CFAP74: variants seen among roughly 807,000 people sequenced by gnomAD.
The protein encoded by CFAP74 is cilia- and flagella-associated protein 74.
Under a neutral mutation model 188.9 loss-of-function variants are expected in CFAP74, and 124 were observed. The ratio of observed to expected loss-of-function variants is 0.66; its 90% confidence interval spans 0.57 to 0.76. CFAP74 has a LOEUF of 0.76. Ranked by LOEUF, CFAP74 falls within the 30% of genes least tolerant of loss-of-function variation. The pLI, the probability that CFAP74 is intolerant of heterozygous loss-of-function variation, is 0.00. For missense variants in CFAP74, 2,198 were observed against 2,165.2 expected, an observed-to-expected ratio of 1.02 and a Z score of -0.30; for synonymous variants, 956 against 916.7, an observed-to-expected ratio of 1.04 and a Z score of -0.77.
rs749407256 is a variant in CFAP74, at chr1:1,925,763, AG to A, written c.4104+19del. ...CTCCTGGGAGGCTGGAGCCAGCACCAGGGCCCACGTGTGCTTCACCTTGAAG... is the reference window on the plus strand; with the variant it reads ...CTCCTGGGAGGCTGGAGCCAGCACCAGGCCCACGTGTGCTTCACCTTGAAG... On this transcript the variant is annotated intron_variant, in intron 33 of 38. Transcript: ENST00000682832. The A allele has an allele frequency of 1.9e-6, 3 of 1,601,694 alleles. No individual in the cohort carries two copies. The highest frequency in any genetic ancestry group is 1.7e-4 in the Middle Eastern group (1 of 6,014).
intron 18 of CFAP74, among the ~76,000 whole-genome samples, chr1:1,952,557 A>T (rs561846198): frequency 6.6e-6 from 1 of 150,692 alleles, no homozygotes; most frequent in Non-Finnish European, 1.5e-5. Context: ...AAAGGAAGGA[A>T]GGAAGGGAGG....
intron 8 of CFAP74, among the ~76,000 whole-genome samples, chr1:1,972,717 G>T (rs141899364): frequency 7.2e-5 from 11 of 152,170 alleles, no homozygotes; most frequent in African/African-American, 2.7e-4. Flanking sequence ...ATGGTGGCGC[G>T]TGCCTGTAAT....
chr1:1,927,494 G>A, intron 28 of CFAP74, 113 bp downstream of exon 28: 1 of 1,054,846 alleles, frequency 9.5e-7, no homozygotes. Context: ...AGTCCTTCCA[G>A]CCACATGGGT....
At chr1:1,955,162 C>T in intron 18 of CFAP74, 1 of 1,288,028 alleles carries the variant, frequency 7.8e-7, no homozygotes, top group Non-Finnish European at 1.0e-6. Flanking sequence ...CGAAGACAGA[C>T]AGGAGGAGGA....
Position 1,922,595 on chromosome 1 carries a change from G to A in CFAP74, c.4812C>T (p.Asp1604=). ...TISISWVPPA[D]FDPDHPLMVS... is the part of the protein sequence containing the mutation. ...GGAGCCCAAAGGCACCTACATCAAA[G>A]TCCGCAGGTGGCACCCAGGAGATGC... Residue 1604 remains aspartate (D), a synonymous_variant, in exon 38 of 39, where the codon GAC becomes GAT. Coordinates refer to ENST00000682832, the MANE Select transcript of CFAP74 (RefSeq NM_001304360.2). 6.2e-7 allele frequency: 1 copy of A among 1,608,244 alleles called. No homozygotes were observed. The highest frequency in any genetic ancestry group is 8.5e-7 in the Non-Finnish European group (1 of 1,177,614).
At chr1:1,972,516 CTT>C (rs1164673624) in intron 8 of CFAP74, among the ~76,000 whole-genome samples, 1 of 152,224 alleles carries the variant, frequency 6.6e-6, no homozygotes, top group Non-Finnish European at 1.5e-5. Context: ...AAAATACACA[CTT>C]ATTGGTTTTT....
chr1:1,926,610 T>C, intron 30 of CFAP74, 42 bp downstream of exon 30: 2 of 1,545,828 alleles, frequency 1.3e-6, no homozygotes, highest in Non-Finnish European at 1.7e-6. Flanking sequence ...TGGGTGTGCC[T>C]GGGCACCGGG....
rs550780477 is a variant in CFAP74 at position 1,923,983 on chromosome 1, C to T, written c.4235-54G>A. ...CTTCTCCACCTGCAATCACTGTCTGCCCTCCAAGCCTTGCTGCATAGAGCT... is the reference window on the plus strand; with the variant it reads ...CTTCTCCACCTGCAATCACTGTCTGTCCTCCAAGCCTTGCTGCATAGAGCT... On this transcript the variant is annotated intron_variant, in intron 34 of 38. Coordinates refer to ENST00000682832, the MANE Select transcript of CFAP74 (RefSeq NM_001304360.2). This position sits in a 1 kb window ranked among gnomAD's most constrained non-coding sequence, Gnocchi z 6.3. 2 of 1,557,346 alleles carry T rather than the reference C, an allele frequency of 1.3e-6. No homozygotes were observed. Among genetic ancestry groups the T allele is most frequent in the Non-Finnish European group, 8.7e-7 (1 of 1,147,796 alleles).
Position 1,938,896 on chromosome 1 carries a change from C to T in CFAP74, c.2970G>A (p.Glu990=). ...FCVIFQPTKA[E]EHRFQLTCKS... ...TGCAGGTCAGTTGGAATCTGTGTTC[C>T]TCGGCCTTGGTGGGCTGGAAGATCA... Residue 990 remains glutamate, a synonymous_variant, in exon 25 of 39, where the codon GAG becomes GAA. Transcript: ENST00000682832. 1 of 1,536,208 alleles carries T rather than the reference C, an allele frequency of 6.5e-7. No homozygotes were observed. The highest frequency in any genetic ancestry group is 8.7e-7 in the Non-Finnish European group (1 of 1,146,918).
At chr1:1,925,426 C>A (rs375046023) in intron 33 of CFAP74, among the ~76,000 whole-genome samples, 2 of 152,182 alleles carry the variant, frequency 1.3e-5, no homozygotes, top group Non-Finnish European at 2.9e-5. Context: ...CAAACCCTTG[C>A]CCCCGGTGGC....
At chr1:1,932,205 G>C (rs1331633646) in intron 25 of CFAP74, among the ~76,000 whole-genome samples, 7 of 151,700 alleles carry the variant, frequency 4.6e-5, no homozygotes. Flanking sequence ...GACCATCCTG[G>C]CTAACATGGT....
intron 25 of CFAP74, among the ~76,000 whole-genome samples, chr1:1,937,239 A>G (rs1652964640): frequency 6.6e-6 from 1 of 152,250 alleles, no homozygotes; most frequent in African/African-American, 2.4e-5. Flanking sequence ...GCCCTGGGGA[A>G]GGAGCCAGCG....
At chr1:1,997,668 A>G (rs576885589) in intron 1 of CFAP74, among the ~76,000 whole-genome samples, 3 of 152,348 alleles carry the variant, frequency 2.0e-5, no homozygotes, top group Admixed American at 6.5e-5. Flanking sequence ...ATCAAAAACC[A>G]TGAAGTACTC....
Position 1,960,014 on chromosome 1 carries a change from G to A in CFAP74, c.1711C>T (p.Pro571Ser). The A allele has an allele frequency of 6.3e-7, 1 of 1,593,712 alleles. No individual in the cohort carries two copies. Among genetic ancestry groups the A allele is most frequent in the Non-Finnish European group, 8.5e-7 (1 of 1,171,854 alleles). The part of the protein sequence containing the change: ...FIHVDFDPPG[P>S]LSAGMSCEVL... ...TCACAGGACATTCCGGCTGACAGGG[G>A]GCCAGGGGGGTCAAAGCTGCAGGAC... Residue 571 changes from proline to serine, a missense_variant, in exon 15 of 39, where the codon CCC (proline) becomes TCC (serine). Pro to Ser is a moderately conservative substitution (Grantham distance 74, BLOSUM62 -1). Coordinates refer to ENST00000682832, the MANE Select transcript of CFAP74 (RefSeq NM_001304360.2).
In CFAP74 at chr1:1,986,979, G is replaced by A; in HGVS notation, c.353C>T (p.Ala118Val). Residue 118 changes from alanine to valine, a missense_variant, in exon 5 of 39, where the codon GCT becomes GTT. Ala to Val is a moderately conservative substitution (Grantham distance 64). Coordinates refer to ENST00000682832, the MANE Select transcript of CFAP74 (RefSeq NM_001304360.2). ...RRDLIDKQQE[A>V]VAAEIATEEE... ...CTCTGTGGCGATCTCGGCTGCCACA[G>A]CCTCCTGCTGCTTGTCGATCAGGTC... 6.2e-7 allele frequency: 1 copy of A among 1,601,784 alleles called. No homozygotes were observed. The highest frequency in any genetic ancestry group is 2.2e-5 in the East Asian group (1 of 44,840).
chr1:1,986,247 T>C (rs1657228222), intron 5 of CFAP74, among the ~76,000 whole-genome samples: 1 of 151,738 alleles, frequency 6.6e-6, no homozygotes, highest in African/African-American at 2.4e-5. Context: ...ATTAGCCAGG[T>C]GTGGTGGCAC....
At chr1:1,933,734 TA>T (rs1652600213) in intron 25 of CFAP74, among the ~76,000 whole-genome samples, 1 of 152,244 alleles carries the variant, frequency 6.6e-6, no homozygotes, top group African/African-American at 2.4e-5. Context: ...GAAAGACTTT[TA>T]GTTTGTTGTT....
Position 1,928,770 on chromosome 1 carries a change from C to G in CFAP74, c.3387+14G>C, listed in dbSNP as rs139011692. 1.0e-5 allele frequency: 16 copies of G among 1,531,184 alleles called. No homozygotes were observed. Among genetic ancestry groups the G allele is most frequent in the Non-Finnish European group, 1.4e-5 (16 of 1,142,948 alleles). 94.8% of individuals were successfully genotyped at this position (1,531,184 alleles called of 1,614,324 possible). A position where few individuals can be genotyped will look rare whatever the true frequency, so the allele number is the denominator to read the frequency against. On this transcript the variant is annotated intron_variant, in intron 27 of 38. Coordinates refer to ENST00000682832, the MANE Select transcript of CFAP74 (RefSeq NM_001304360.2). ...TTCCCCGACCTACGCCCCTCCTTCCCGGGCCCCACGCACAGATTTGGTCTC... is the reference window on the plus strand; with the variant it reads ...TTCCCCGACCTACGCCCCTCCTTCCGGGGCCCCACGCACAGATTTGGTCTC...
In CFAP74 at chr1:1,930,253, G is replaced by T; in HGVS notation, c.3095C>A (p.Ala1032Asp). 3.3e-6 allele frequency: 5 copies of T among 1,535,680 alleles called. No individual in the cohort carries two copies. The highest frequency in any genetic ancestry group is 4.4e-6 in the Non-Finnish European group (5 of 1,146,676). Residue 1032 changes from alanine to aspartate, a missense_variant, in exon 26 of 39, where the codon GCC becomes GAC. By Grantham distance (126) the Ala-to-Asp change is moderately radical (BLOSUM62 -2). Coordinates refer to ENST00000682832, the MANE Select transcript of CFAP74 (RefSeq NM_001304360.2). ...SHYQIKFAATALYDTSVATVY... is the reference protein window; with the variant it reads ...SHYQIKFAATDLYDTSVATVY... Reference sequence around the variant, plus strand: ...TGTAGCCACGGAGGTGTCGTATAGGGCCGTGGCGGCAAACTTGATCTGGTA... The same window carrying T: ...TGTAGCCACGGAGGTGTCGTATAGGTCCGTGGCGGCAAACTTGATCTGGTA...
Sources: gnomAD v4.1 joint callset for allele counts (sites outside exome capture counted in the v4.1 genomes callset) on GRCh38, gnomAD v4.1.1 for gene constraint, Gnocchi (gnomAD v3.1) non-coding constraint, MANE v1.5 for transcripts, NCBI Gene and HGNC (gene_info 2026-07-23, HGNC 2026-07-21) for gene names.